The following CNTNAP2 variants were observed in gnomAD, a reference collection of about 807,000 sequenced individuals.
The protein encoded by CNTNAP2 is contactin associated protein 2.
A neutral mutation model predicts 155.2 loss-of-function variants in CNTNAP2; 98 were observed. The ratio of observed to expected loss-of-function variants is 0.63; its 90% CI spans 0.54 to 0.75. CNTNAP2 has a LOEUF of 0.75. Ranked by LOEUF, CNTNAP2 falls within the 30% of genes least tolerant of loss-of-function variation. The probability of loss-of-function intolerance (pLI) is 0.00; values close to 1 mark genes in which losing one functional copy is unlikely to be tolerated. For synonymous variants in CNTNAP2, 651 were observed against 631.2 expected, an observed-to-expected ratio of 1.03 and a Z score of -0.47; for missense variants, 1,727 against 1,688.1, an observed-to-expected ratio of 1.02 and a Z score of -0.40.
intron 18 of CNTNAP2, among the ~76,000 whole-genome samples, chr7:148,199,478 T>C (rs1284136176): frequency 3.3e-5 from 5 of 152,214 alleles, no homozygotes; most frequent in Non-Finnish European, 7.3e-5. Flanking sequence ...AGACATCCTG[T>C]TGTTAAAATG....
chr7:147,065,392 T>C (rs1180920527), intron 4 of CNTNAP2, among the ~76,000 whole-genome samples: 1 of 152,204 alleles, frequency 6.6e-6, no homozygotes, highest in East Asian at 1.9e-4. Context: ...ACTTTTGATG[T>C]AAGTATGAGC....
chr7:146,858,444 A>G (rs973849836), intron 3 of CNTNAP2, among the ~76,000 whole-genome samples: 1 of 152,220 alleles, frequency 6.6e-6, no homozygotes, highest in African/African-American at 2.4e-5. Context: ...CTGTAATCCC[A>G]GTACTTTGGG....
At chr7:147,472,705 A>C (rs115689145) in intron 10 of CNTNAP2, among the ~76,000 whole-genome samples, 1 of 152,264 alleles carries the variant, frequency 6.6e-6, no homozygotes, top group African/African-American at 2.4e-5. Context: ...CAGTTTCCAA[A>C]CTTCTGTTTA....
intron 10 of CNTNAP2, among the ~76,000 whole-genome samples, chr7:147,411,714 A>G (rs1388790266): frequency 6.6e-6 from 1 of 152,142 alleles, no homozygotes; most frequent in African/African-American, 2.4e-5. Flanking sequence ...AACATTTTCA[A>G]TCATATCTCA....
intron 13 of CNTNAP2, among the ~76,000 whole-genome samples, chr7:147,835,785 A>C (rs1033908092): frequency 5.9e-5 from 9 of 152,198 alleles, no homozygotes; most frequent in Non-Finnish European, 1.0e-4. Flanking sequence ...TGGAGTCCTC[A>C]TGAGAGAAAG....
chr7:147,511,374 ATTC>A (rs1345911890), intron 11 of CNTNAP2, among the ~76,000 whole-genome samples: 3 of 151,852 alleles, frequency 2.0e-5, no homozygotes, highest in Non-Finnish European at 4.4e-5. Context: ...CCACTATTTA[ATTC>A]TTCATTTCTT....
chr7:148,150,297 C>G (rs1428881136), intron 17 of CNTNAP2, among the ~76,000 whole-genome samples: 1 of 151,966 alleles, frequency 6.6e-6, no homozygotes, highest in Non-Finnish European at 1.5e-5. Flanking sequence ...GCCCGTAATC[C>G]CAGCACTTTG....
intron 1 of CNTNAP2, among the ~76,000 whole-genome samples, chr7:146,143,136 G>T (rs1797904303): frequency 6.6e-6 from 1 of 152,180 alleles, no homozygotes; most frequent in African/African-American, 2.4e-5. Flanking sequence ...GTGGCTCTAT[G>T]TTGTGGCCCT....
intron 1 of CNTNAP2, among the ~76,000 whole-genome samples, chr7:146,267,073 A>C (rs560870489): frequency 6.6e-6 from 1 of 152,180 alleles, no homozygotes; most frequent in East Asian, 1.9e-4. Flanking sequence ...AAATAAAGGG[A>C]GATTGAGGAT....
chr7:147,501,642 G>T (rs940703428), intron 11 of CNTNAP2, among the ~76,000 whole-genome samples: 2 of 152,196 alleles, frequency 1.3e-5, no homozygotes, highest in Non-Finnish European at 2.9e-5. Context: ...TCTATTAGAT[G>T]ATTTTGCCCA....
intron 3 of CNTNAP2, among the ~76,000 whole-genome samples, chr7:147,021,578 C>T (rs530002861): frequency 6.6e-6 from 1 of 152,268 alleles, no homozygotes; most frequent in African/African-American, 2.4e-5. Context: ...TCACTTCACT[C>T]ACTTTTCTCA....
intron 13 of CNTNAP2, among the ~76,000 whole-genome samples, chr7:147,862,123 T>G (rs6979528): frequency 0.19 from 29,344 of 151,942 alleles, 2,931 homozygotes; most frequent in South Asian, 0.29. Context: ...GCAAACCACT[T>G]CAAGGAAGCT....
rs750156325 is a variant in CNTNAP2, at chr7:147,379,656, TACAG to T, written c.1499-15949_1499-15946del. ...TCATTTTTTTTGGAAAAAGATAAAATACAGACAAATTTCCTTGTCATCCCTCTTT... is the reference window on the plus strand; with the variant it reads ...TCATTTTTTTTGGAAAAAGATAAAATACAAATTTCCTTGTCATCCCTCTTT... On this transcript the variant is annotated intron_variant, in intron 9 of 23. Coordinates refer to ENST00000361727, the MANE Select transcript of CNTNAP2 (RefSeq NM_014141.6). 8.5e-4 allele frequency among the ~76,000 whole-genome samples: 129 copies of T among 152,216 alleles called. 2 individuals are homozygous for T. The highest frequency in any genetic ancestry group is 3.4e-3 in the Middle Eastern group (1 of 294).
intron 4 of CNTNAP2, among the ~76,000 whole-genome samples, chr7:147,084,037 T>C (rs886788588): frequency 7.7e-6 from 1 of 129,868 alleles, no homozygotes; most frequent in African/African-American, 2.8e-5. Flanking sequence ...ATAATACATA[T>C]ATGCATAATG....
intron 1 of CNTNAP2, among the ~76,000 whole-genome samples, chr7:146,417,707 T>G (rs2129112666): frequency 6.6e-6 from 1 of 152,320 alleles, no homozygotes; most frequent in Middle Eastern, 3.4e-3. Flanking sequence ...AATTCATGAT[T>G]GGCTAAAATA....
chr7:148,298,862 C>T (rs2116495333), intron 21 of CNTNAP2, among the ~76,000 whole-genome samples: 1 of 152,088 alleles, frequency 6.6e-6, no homozygotes, highest in Admixed American at 6.5e-5. Context: ...CTACACCTTG[C>T]TAATTTTTGT....
In CNTNAP2 at chr7:146,637,261, A is replaced by T. The variant is rs116142111; in HGVS notation, c.98-137010A>T. On this transcript the variant is annotated intron_variant, in intron 1 of 23. Transcript: ENST00000361727. ...AGTGAAGTTGCAGAAACACAAAGGC[A>T]TAGTTTTTAATTTCACATTTTTCAA... 6.5e-3 allele frequency among the ~76,000 whole-genome samples: 989 copies of T among 152,312 alleles called. 8 individuals carry two copies. The highest frequency in any genetic ancestry group is 0.023 in the African/African-American group (945 of 41,572).
intron 1 of CNTNAP2, among the ~76,000 whole-genome samples, chr7:146,157,379 G>A (rs1193101096): frequency 6.6e-6 from 1 of 152,118 alleles, no homozygotes; most frequent in African/African-American, 2.4e-5. Flanking sequence ...TGAAGTACCG[G>A]CTTCATCTCA....
intron 22 of CNTNAP2, among the ~76,000 whole-genome samples, chr7:148,394,859 G>C (rs569722422): frequency 6.6e-6 from 1 of 152,130 alleles, no homozygotes; most frequent in Non-Finnish European, 1.5e-5. Context: ...GATTTCATAG[G>C]TTTCCCCTGG....
Sources: gnomAD v4.1 joint callset for allele counts (sites outside exome capture counted in the v4.1 genomes callset) on GRCh38, gnomAD v4.1.1 for gene constraint, MANE v1.5 for transcripts, NCBI Gene and HGNC (gene_info 2026-07-23, HGNC 2026-07-21) for gene names.